Variants in CR2 observed in about 807,000 individuals in gnomAD.
CR2 encodes complement C3d receptor 2, also known as complement receptor type 2.
A neutral mutation model predicts 123.0 loss-of-function variants in CR2; 96 were observed. The ratio of observed to expected loss-of-function variants is 0.78; its 90% CI spans 0.66 to 0.93. The LOEUF is 0.93. CR2 is among the 40% of genes least tolerant of loss of function. The pLI is 0.00. For missense variants in CR2, 1,258 were observed against 1,361.0 expected (o/e 0.92, Z 1.19); for synonymous variants, 484 against 469.5 (o/e 1.03, Z -0.40).
At position 207,476,258 on chromosome 1, in the gene CR2, C is replaced by T. The variant is rs1658435132; in HGVS notation, c.2741C>T (p.Pro914Leu). 3 of 1,613,822 alleles carry T rather than the reference C, an allele frequency of 1.9e-6. No homozygotes were observed. Among genetic ancestry groups the T allele is most frequent in the Admixed American group, 1.7e-5 (1 of 59,994 alleles). ...GCCTTCATAGGGTGTCCACCTCCGC[C>T]TAAGACCCCTAACGGGAACCATACT... ...KKAFIGCPPP[P>L]KTPNGNHTGG... The change falls in exon 15 of 20, where the codon CCT (proline) becomes CTT (leucine). Residue 914 changes from proline to leucine, a missense_variant. Physicochemically the swap from Pro to Leu is moderately conservative, Grantham distance 98 (BLOSUM62 -3). Transcript: ENST00000367057.
At chr1:207,479,913 A>G in intron 17 of CR2, 65 bp from the exon 18 acceptor site, 1 of 1,203,086 alleles carries the variant, frequency 8.3e-7, no homozygotes, top group Non-Finnish European at 1.2e-6. Context: ...TAGGCCCTGC[A>G]ATCAGTCAGA....
chr1:207,465,924 G>A (rs1269263655), intron 1 of CR2, among the ~76,000 whole-genome samples: 1 of 152,192 alleles, frequency 6.6e-6, no homozygotes, highest in Non-Finnish European at 1.5e-5. Context: ...AGGACCAAAA[G>A]TGGTCATCTC....
chr1:207,474,664 T>C (rs1658384653), intron 13 of CR2, among the ~76,000 whole-genome samples, 160 bp from the exon 14 acceptor site: 1 of 152,224 alleles, frequency 6.6e-6, no homozygotes, highest in Non-Finnish European at 1.5e-5. Flanking sequence ...TCACATTTAA[T>C]AAAGCTGTTT....
rs1185549545 is a variant in CR2 at position 207,466,794 on chromosome 1, A to G, written c.327A>G (p.Arg109=). ...GYKIRGSTPY[R]HGDSVTFACK... ...AAATTAGAGGCTCTACACCCTACAG[A>G]CATGGTGATTCTGTGACATTTGCCT... Residue 109 remains arginine (R), a synonymous_variant, in exon 2 of 20, where the codon AGA becomes AGG. Transcript: ENST00000367057. 2.5e-6 allele frequency: 4 copies of G among 1,613,986 alleles called. No homozygotes were observed. Among genetic ancestry groups the G allele is most frequent in the Non-Finnish European group, 3.4e-6 (4 of 1,180,006 alleles).
chr1:207,484,927 A>C (rs1658707037), intron 18 of CR2, among the ~76,000 whole-genome samples: 1 of 152,214 alleles, frequency 6.6e-6, no homozygotes, highest in Non-Finnish European at 1.5e-5. Context: ...TGTAGTTGTT[A>C]GTCATTAAGC....
chr1:207,487,702 A>G (rs1460575623), intron 19 of CR2, among the ~76,000 whole-genome samples: 1 of 152,236 alleles, frequency 6.6e-6, no homozygotes, highest in Non-Finnish European at 1.5e-5. Context: ...GGAATAATTT[A>G]GTAGAAAGGG....
At chr1:207,477,196 T>C (rs1164587413) in intron 15 of CR2, among the ~76,000 whole-genome samples, 1 of 152,200 alleles carries the variant, frequency 6.6e-6, no homozygotes, top group Non-Finnish European at 1.5e-5. Flanking sequence ...TTCACATGGC[T>C]GGGGAAGCCT....
In CR2 at chr1:207,472,904, T is replaced by C. The variant is rs143504100; in HGVS notation, c.1703T>C (p.Leu568Pro). Residue 568 changes from leucine (L) to proline (P), a missense_variant, in exon 10 of 20, where the codon CTC becomes CCC. Transcript: ENST00000367057. Reference sequence around the variant, plus strand: ...CCAGAAAGAGGAGTGGAATTCAGCCTCATTGGAGAGAGCACCATCCGTTGT... The same window carrying C: ...CCAGAAAGAGGAGTGGAATTCAGCCCCATTGGAGAGAGCACCATCCGTTGT... ...PGPERGVEFS[L>P]IGESTIRCTS... 1.2e-6 allele frequency: 2 copies of C among 1,613,930 alleles called. No individual in the cohort carries two copies. Among genetic ancestry groups the C allele is most frequent in the Non-Finnish European group, 1.7e-6 (2 of 1,179,982 alleles).
chr1:207,488,459 A>G (rs1658806739), intron 19 of CR2, among the ~76,000 whole-genome samples: 1 of 152,164 alleles, frequency 6.6e-6, no homozygotes, highest in African/African-American at 2.4e-5. Flanking sequence ...CCCCGTCTCT[A>G]CTAAAAATAC....
chr1:207,464,578 T>G (rs1029997082), intron 1 of CR2, among the ~76,000 whole-genome samples: 3 of 152,230 alleles, frequency 2.0e-5, no homozygotes, highest in Non-Finnish European at 4.4e-5. Flanking sequence ...GGAGCAACCC[T>G]CCTCTTCAGT....
chr1:207,482,615 G>T (rs1572965314), intron 18 of CR2, among the ~76,000 whole-genome samples: 1 of 152,140 alleles, frequency 6.6e-6, no homozygotes, highest in Non-Finnish European at 1.5e-5. Flanking sequence ...GCCTGGTAAA[G>T]GAGGACAAGC....
chr1:207,479,895 A>G (rs1658555912), intron 17 of CR2, 83 bp from the exon 18 acceptor site: 6 of 983,056 alleles, frequency 6.1e-6, no homozygotes, highest in South Asian at 5.2e-5. Flanking sequence ...TTTCCCCACC[A>G]CTAGCAATAG....
At chr1:207,457,731 A>G (rs2102294440) in intron 1 of CR2, among the ~76,000 whole-genome samples, 1 of 152,000 alleles carries the variant, frequency 6.6e-6, no homozygotes, top group East Asian at 1.9e-4. Context: ...TCATCTTCCA[A>G]ACCAAGACAC....
chr1:207,458,668 T>A (rs1657897735), intron 1 of CR2, among the ~76,000 whole-genome samples: 1 of 152,218 alleles, frequency 6.6e-6, no homozygotes, highest in African/African-American at 2.4e-5. Flanking sequence ...AACTTAAATG[T>A]TGCCTTTTCA....
intron 18 of CR2, among the ~76,000 whole-genome samples, chr1:207,481,592 AT>A (rs1658604411): frequency 6.6e-6 from 1 of 152,148 alleles, no homozygotes; most frequent in East Asian, 1.9e-4. Flanking sequence ...TAGATCATTG[AT>A]AGGAAGTGCC....
chr1:207,483,555 G>T (rs1658665463), intron 18 of CR2, among the ~76,000 whole-genome samples: 1 of 151,158 alleles, frequency 6.6e-6, no homozygotes. Flanking sequence ...ACTGCACACT[G>T]TTTTTTTTTC....
At position 207,475,187 on chromosome 1, in the gene CR2, T is replaced by A. The variant is rs1406696743; in HGVS notation, c.2687T>A (p.Val896Glu). 1 of 1,613,794 alleles carries A rather than the reference T, an allele frequency of 6.2e-7. No individual in the cohort carries two copies. Among genetic ancestry groups the A allele is most frequent in the Non-Finnish European group, 8.5e-7 (1 of 1,179,938 alleles). The change falls in exon 14 of 20, where the codon GTG (valine) becomes GAG (glutamate). Residue 896 changes from valine to glutamate, a missense_variant. Coordinates refer to ENST00000367057, the MANE Select transcript of CR2 (RefSeq NM_001006658.3). ...AGGTGTCATACTGATAACACATGGG[T>A]GCCAGGTGTGCCAACTTGTATCAAA... is the stretch of plus-strand genomic sequence containing the variant. ...VIRCHTDNTW[V>E]PGVPTCIKKA...
At position 207,473,560 on chromosome 1, in the gene CR2, C is replaced by T; in HGVS notation, c.1994C>T (p.Pro665Leu). 1 of 1,613,812 alleles carries T rather than the reference C, an allele frequency of 6.2e-7. No homozygotes were observed. The highest frequency in any genetic ancestry group is 1.1e-5 in the South Asian group (1 of 91,084). Residue 665 changes from proline (P) to leucine (L), a missense_variant, in exon 11 of 20, where the codon CCT (proline) becomes CTT (leucine). Coordinates refer to ENST00000367057, the MANE Select transcript of CR2 (RefSeq NM_001006658.3). ...PVCEKGCQSP[P>L]GLHHGRHTGG... ...TTCTCTTCAGGCTGCCAGTCACCTC[C>T]TGGGCTCCACCATGGTCGTCATACA...
intron 15 of CR2, among the ~76,000 whole-genome samples, chr1:207,476,648 A>G (rs576356552): frequency 1.3e-5 from 2 of 152,338 alleles, no homozygotes; most frequent in Admixed American, 6.5e-5. Flanking sequence ...TTACACATAG[A>G]AAGTTGGAGT....
Sources: gnomAD v4.1 joint callset for allele counts (sites outside exome capture counted in the v4.1 genomes callset) on GRCh38, gnomAD v4.1.1 for gene constraint, MANE v1.5 for transcripts, NCBI Gene and HGNC (gene_info 2026-07-23, HGNC 2026-07-21) for gene names.